Variants in CHST15 observed in about 807,000 individuals in gnomAD.
The protein encoded by CHST15 is carbohydrate sulfotransferase 15, also known as B cell RAG associated protein (GALNAC4S-6ST).
CHST15 carries 30 observed loss-of-function variants against 53.6 expected under a neutral mutation model. The observed-to-expected ratio is 0.56, with a 90% confidence interval of 0.42 to 0.76. The LOEUF is 0.76. Among genes scored for constraint, CHST15 ranks in the 30% least tolerant of loss-of-function variants. The probability of loss-of-function intolerance (pLI) is 0.00; values close to 1 mark genes in which losing one functional copy is unlikely to be tolerated. For synonymous variants in CHST15, 296 were observed against 289.8 expected, an observed-to-expected ratio of 1.02 and a Z score of -0.22; for missense variants, 627 against 740.5, an observed-to-expected ratio of 0.85 and a Z score of 1.78.
chr10:124,075,931 AC>A (rs1949060053), intron 1 of CHST15, among the ~76,000 whole-genome samples: 2 of 152,078 alleles, frequency 1.3e-5, no homozygotes, highest in South Asian at 4.1e-4. Context: ...GCCCCCCTCA[AC>A]TTTGCAAGGT....
intron 1 of CHST15, among the ~76,000 whole-genome samples, chr10:124,067,821 T>C (rs1223680099): frequency 6.6e-6 from 1 of 152,136 alleles, no homozygotes; most frequent in Non-Finnish European, 1.5e-5. Flanking sequence ...TTCACCATGT[T>C]GGCCAGGCTG....
intron 1 of CHST15, among the ~76,000 whole-genome samples, chr10:124,071,291 C>G (rs182794885): frequency 6.6e-6 from 1 of 152,370 alleles, no homozygotes; most frequent in Admixed American, 6.5e-5. Context: ...ATGGACAGGC[C>G]AGCCAGAGCC....
chr10:124,028,915 C>A (rs1947114714), intron 5 of CHST15, among the ~76,000 whole-genome samples: 1 of 152,092 alleles, frequency 6.6e-6, no homozygotes, highest in Non-Finnish European at 1.5e-5. Flanking sequence ...CCCAACCCCC[C>A]AGCTGGCTCC....
chr10:124,016,733 A>C (rs557892073), intron 6 of CHST15, among the ~76,000 whole-genome samples: 13 of 152,146 alleles, frequency 8.5e-5, no homozygotes, highest in Non-Finnish European at 1.6e-4. Flanking sequence ...CCCACCTGTA[A>C]AACAGGGATG....
chr10:124,039,515 C>T (rs1163217557), intron 4 of CHST15, among the ~76,000 whole-genome samples: 2 of 152,274 alleles, frequency 1.3e-5, no homozygotes, highest in African/African-American at 2.4e-5. Context: ...AGGGCTCACA[C>T]GCCCTGTCTC....
chr10:124,051,707 C>T (rs1439958303), intron 1 of CHST15, among the ~76,000 whole-genome samples: 1 of 152,178 alleles, frequency 6.6e-6, no homozygotes, highest in Non-Finnish European at 1.5e-5. Context: ...GATAACGGGT[C>T]CCAAAATAGA....
At chr10:124,090,787 A>G (rs7080691) in intron 1 of CHST15, among the ~76,000 whole-genome samples, 47,105 of 152,116 alleles carry the variant, frequency 0.31, 7,566 homozygotes, top group South Asian at 0.37. Flanking sequence ...TGATCATCCA[A>G]GAAAAGCAAG....
intron 5 of CHST15, 125 bp downstream of exon 5, chr10:124,038,390 G>A: frequency 3.7e-6 from 4 of 1,073,918 alleles, no homozygotes; most frequent in East Asian, 2.5e-5. Flanking sequence ...ACAGGCATGA[G>A]CCACTGTACC....
Position 124,078,114 on chromosome 10 carries a change from C to T in CHST15, c.-513+15355G>A, listed in dbSNP as rs1331259189. Among the ~76,000 whole-genome samples, 6 of 152,164 alleles carry T rather than the reference C, an allele frequency of 3.9e-5. No individual in the cohort carries two copies. In the South Asian group the frequency reaches 8.3e-4, roughly 21 times the overall value. Reference sequence around the variant, plus strand: ...CCTGCACTCAGAAATGGAAGGGACACGGCAGATCTCACACAAGCCTCTTGC... The same window carrying T: ...CCTGCACTCAGAAATGGAAGGGACATGGCAGATCTCACACAAGCCTCTTGC... On this transcript the variant is annotated intron_variant, in intron 1 of 7. Transcript: ENST00000435907.
At chr10:124,023,880 G>A (rs1946890008) in intron 5 of CHST15, among the ~76,000 whole-genome samples, 1 of 141,724 alleles carries the variant, frequency 7.1e-6, no homozygotes, top group African/African-American at 2.6e-5. Context: ...TTTCGCTTTT[G>A]TTGCCCAGGT....
At chr10:124,073,217 C>G (rs2134169183) in intron 1 of CHST15, among the ~76,000 whole-genome samples, 1 of 152,302 alleles carries the variant, frequency 6.6e-6, no homozygotes, top group East Asian at 1.9e-4. Flanking sequence ...TGTCTACCCA[C>G]AGTAGAACGG....
At chr10:124,011,205 C>T in intron 7 of CHST15, 1 of 797,802 alleles carries the variant, frequency 1.3e-6, no homozygotes, top group Non-Finnish European at 1.5e-6. Context: ...GCTCAAGCCT[C>T]TTTACCGGGG....
chr10:124,070,845 T>C (rs1366312009), intron 1 of CHST15, among the ~76,000 whole-genome samples: 5 of 152,106 alleles, frequency 3.3e-5, no homozygotes, highest in African/African-American at 1.2e-4. Context: ...CTGAGCACCA[T>C]GGATGAGAAC....
intron 1 of CHST15, among the ~76,000 whole-genome samples, chr10:124,091,593 C>G (rs1419013258): frequency 6.6e-6 from 1 of 152,260 alleles, no homozygotes; most frequent in Non-Finnish European, 1.5e-5. Flanking sequence ...GCAAGGTTAG[C>G]CCCTTTGCTC....
Position 124,025,819 on chromosome 10 carries a change from G to A in CHST15, c.1191-4407C>T, listed in dbSNP as rs143835437. ...AAGACGGAGACAGAGCCTGGAGTGC[G>A]GCGTCTATGAGCCAAGGAACGCCAA... On this transcript the variant is annotated intron_variant, in intron 5 of 7. Coordinates refer to ENST00000435907, the MANE Select transcript of CHST15 (RefSeq NM_001270764.2). 8.0e-4 allele frequency among the ~76,000 whole-genome samples: 122 copies of A among 152,258 alleles called. 1 individual carries two copies. Among genetic ancestry groups the A allele is most frequent in the African/African-American group, 2.2e-3 (92 of 41,538 alleles).
chr10:124,040,170 ACTG>A (rs1169553701), intron 4 of CHST15, among the ~76,000 whole-genome samples: 1 of 152,178 alleles, frequency 6.6e-6, no homozygotes, highest in Admixed American at 6.5e-5. Flanking sequence ...TCAAAAATGA[ACTG>A]GTTTTAGAGC....
chr10:124,033,919 T>C (rs1166859394), intron 5 of CHST15, among the ~76,000 whole-genome samples: 3 of 152,224 alleles, frequency 2.0e-5, no homozygotes, highest in Non-Finnish European at 4.4e-5. Context: ...TTGAAGCTGC[T>C]AAGTTTTGGC....
intron 1 of CHST15, among the ~76,000 whole-genome samples, chr10:124,057,988 A>C (rs1564894906): frequency 6.6e-6 from 1 of 152,220 alleles, no homozygotes; most frequent in Non-Finnish European, 1.5e-5. Context: ...CAATGATTTC[A>C]ATGTGCACAA....
intron 5 of CHST15, among the ~76,000 whole-genome samples, chr10:124,031,439 A>C (rs1947220859): frequency 6.6e-6 from 1 of 152,248 alleles, no homozygotes; most frequent in African/African-American, 2.4e-5. Context: ...CTAGGTGGCG[A>C]GGTACAGCCT....
Sources: gnomAD v4.1 joint callset for allele counts (sites outside exome capture counted in the v4.1 genomes callset) on GRCh38, gnomAD v4.1.1 for gene constraint, MANE v1.5 for transcripts, NCBI Gene and HGNC (gene_info 2026-07-23, HGNC 2026-07-21) for gene names.